Variants in RAB37 observed in about 807,000 individuals in gnomAD.
The protein encoded by RAB37 is RAB37, member RAS oncogene family, also known as ras-related protein Rab-37.
A neutral mutation model predicts 33.1 loss-of-function variants in RAB37; 29 were observed. The ratio of observed to expected loss-of-function variants is 0.88; its 90% confidence interval spans 0.65 to 1.20. RAB37 has a LOEUF of 1.20. Ranked by LOEUF, RAB37 falls within the 50% of genes most tolerant of loss-of-function variation. The pLI is 0.00. For missense variants in RAB37, 299 were observed against 301.1 expected, an observed-to-expected ratio of 0.99 and a Z score of 0.05; for synonymous variants, 128 against 119.5, an observed-to-expected ratio of 1.07 and a Z score of -0.47.
Position 74,742,048 on chromosome 17 carries a change from A to T in RAB37, c.205-206A>T, listed in dbSNP as rs2034631693. Among the ~76,000 whole-genome samples the T allele has an allele frequency of 6.6e-6, 1 of 152,166 alleles. No individual in the cohort carries two copies. Among genetic ancestry groups the T allele is most frequent in the Non-Finnish European group, 1.5e-5 (1 of 68,022 alleles). ...TCTTGCCCTGCTGTTGTGAGAAGGC[A>T]GTTACAGTCCTCAGAAGGGACGACT... On this transcript the variant is annotated intron_variant, in intron 2 of 8. Coordinates refer to ENST00000392613, the MANE Select transcript of RAB37 (RefSeq NM_001006638.3). The surrounding 1 kb of genome is among the most constrained non-coding windows in gnomAD (Gnocchi z 4.0).
chr17:74,731,564 T>G (rs2034384657), intron 2 of RAB37, among the ~76,000 whole-genome samples: 1 of 152,210 alleles, frequency 6.6e-6, no homozygotes, highest in Admixed American at 6.5e-5. Flanking sequence ...GGGGTCGTGC[T>G]GATGGGGTTA....
chr17:74,742,021 C>T lies in RAB37; in HGVS notation c.205-233C>T, dbSNP rs918188812. Reference sequence around the variant, plus strand: ...AGAGAGCCAGGATGTTTCTCAGGCTCCTCTTGCCCTGCTGTTGTGAGAAGG... The same window carrying T: ...AGAGAGCCAGGATGTTTCTCAGGCTTCTCTTGCCCTGCTGTTGTGAGAAGG... On this transcript the variant is annotated intron_variant, in intron 2 of 8. Coordinates refer to ENST00000392613, the MANE Select transcript of RAB37 (RefSeq NM_001006638.3). This position sits in a 1 kb window ranked among gnomAD's most constrained non-coding sequence, Gnocchi z 4.0. 3.9e-5 allele frequency among the ~76,000 whole-genome samples: 6 copies of T among 152,208 alleles called. No homozygotes were observed. Among genetic ancestry groups the T allele is most frequent in the African/African-American group, 1.4e-4 (6 of 41,460 alleles).
At chr17:74,740,941 G>T (rs1598326116) in intron 2 of RAB37, 63 bp downstream of exon 2, 18 of 1,258,854 alleles carry the variant, frequency 1.4e-5, no homozygotes, top group Non-Finnish European at 1.9e-5. Context: ...GGCATGGGGG[G>T]GTTGCCCCCA....
intron 1 of RAB37, chr17:74,695,306 G>A (rs1220552977): frequency 1.9e-6 from 3 of 1,601,802 alleles, no homozygotes; most frequent in Non-Finnish European, 2.6e-6. Flanking sequence ...GACGGTCACG[G>A]GGCAGAGGAG....
In RAB37 at chr17:74,729,997, G is replaced by A. The variant is rs1028920413; in HGVS notation, c.183+631G>A. ...CGGTAAAATGGTAAAAGGGCAGCTC[G>A]GGTTAAGGAAGCCCAGTGCCCTCGG... On this transcript the variant is annotated intron_variant, in intron 2 of 7. Coordinates refer to the RAB37 transcript ENST00000340415. This position sits in a 1 kb window ranked among gnomAD's most constrained non-coding sequence, Gnocchi z 4.2. Among the ~76,000 whole-genome samples, 2 of 152,244 alleles carry A rather than the reference G, an allele frequency of 1.3e-5. No homozygotes were observed. Among genetic ancestry groups the A allele is most frequent in the Admixed American group, 6.5e-5 (1 of 15,294 alleles).
intron 1 of RAB37, among the ~76,000 whole-genome samples, chr17:74,724,061 T>C (rs1202519970): frequency 6.6e-6 from 1 of 152,064 alleles, no homozygotes; most frequent in Non-Finnish European, 1.5e-5. Context: ...AACCAGAAAA[T>C]CTGAGACAAG....
chr17:74,684,146 C>T (rs1273819247), intron 1 of RAB37, among the ~76,000 whole-genome samples: 2 of 152,082 alleles, frequency 1.3e-5, no homozygotes, highest in Non-Finnish European at 2.9e-5. Flanking sequence ...ACTGCAGTGG[C>T]ATGCACTCTG....
Position 74,745,496 on chromosome 17 carries a change from G to A in RAB37, c.*85G>A, listed in dbSNP as rs1395931204. 14 of 1,113,370 alleles carry A rather than the reference G, an allele frequency of 1.3e-5. No homozygotes were observed. The highest frequency in any genetic ancestry group is 1.9e-5 in the Non-Finnish European group (14 of 739,648). 69.0% of individuals were successfully genotyped at this position (1,113,370 alleles called of 1,614,324 possible). A position where few individuals can be genotyped will look rare whatever the true frequency, so the allele number is the denominator to read the frequency against. ...GGCCTGGCTTATTCCAAGAGGCTGA[G>A]CCAATGGGGAGAAAGATGGAGGACT... On this transcript the variant is annotated 3_prime_UTR_variant, in exon 9 of 9. Coordinates refer to ENST00000392613, the MANE Select transcript of RAB37 (RefSeq NM_001006638.3). This position sits in a 1 kb window ranked among gnomAD's most constrained non-coding sequence, Gnocchi z 4.5.
At chr17:74,698,662 G>A (rs1363473431) in intron 1 of RAB37, 2 of 1,422,338 alleles carry the variant, frequency 1.4e-6, no homozygotes, top group East Asian at 2.5e-5. Flanking sequence ...AGTACACATA[G>A]ACACAAAGAA....
intron 2 of RAB37, 96 bp downstream of exon 2, chr17:74,740,974 G>GGT: frequency 2.2e-6 from 2 of 890,648 alleles, no homozygotes; most frequent in Non-Finnish European, 3.7e-6. Flanking sequence ...TGGCTCCCAG[G>GGT]GACTCCCGAG....
intron 1 of RAB37, among the ~76,000 whole-genome samples, chr17:74,682,131 CA>C (rs1348986917): frequency 6.6e-6 from 1 of 152,190 alleles, no homozygotes; most frequent in Non-Finnish European, 1.5e-5. Context: ...GTAAAGAGAA[CA>C]GGCATTATTC....
At chr17:74,684,265 A>ATT (rs201648484) in intron 1 of RAB37, among the ~76,000 whole-genome samples, 1 of 134,260 alleles carries the variant, frequency 7.4e-6, no homozygotes, top group Admixed American at 7.5e-5. Context: ...AGCCCTGTTA[A>ATT]TTTTTTTTTT....
chr17:74,675,118 A>G (rs2031797489), intron 1 of RAB37, among the ~76,000 whole-genome samples: 1 of 152,196 alleles, frequency 6.6e-6, no homozygotes, highest in Admixed American at 6.5e-5. Flanking sequence ...TAACGCGTAT[A>G]TATAAAATCT....
At chr17:74,686,986 G>A (rs2032066422) in intron 1 of RAB37, among the ~76,000 whole-genome samples, 1 of 152,102 alleles carries the variant, frequency 6.6e-6, no homozygotes, top group Admixed American at 6.5e-5. Context: ...ATTGATAGAG[G>A]GCAGCATTCT....
rs1451555570 is a variant in RAB37, at chr17:74,729,221, A to C, written c.73-35A>C. ...CACCTCTGAGGCCAACTCACATCAC[A>C]GGCCCTCAGCTCTCTCTCTATTGTT... is the stretch of plus-strand genomic sequence containing the variant. On this transcript the variant is annotated intron_variant, in intron 1 of 7. Coordinates refer to the RAB37 transcript ENST00000340415. The surrounding 1 kb of genome is among the most constrained non-coding windows in gnomAD (Gnocchi z 4.2). The C allele has an allele frequency of 1.3e-6, 2 of 1,513,196 alleles. No individual in the cohort carries two copies. Among genetic ancestry groups the C allele is most frequent in the Non-Finnish European group, 1.8e-6 (2 of 1,087,912 alleles). The allele number at this position is 1,513,196 out of a possible 1,614,324, so 93.7% of individuals were successfully genotyped here.
chr17:74,698,419 A>G (rs2143624357), intron 1 of RAB37: 1 of 1,613,946 alleles, frequency 6.2e-7, no homozygotes, highest in South Asian at 1.1e-5. Flanking sequence ...GGCGGCCACC[A>G]AAAGCAGCAG....
At chr17:74,703,856 C>T (rs1220019074) in intron 1 of RAB37, among the ~76,000 whole-genome samples, 5 of 152,202 alleles carry the variant, frequency 3.3e-5, no homozygotes, top group African/African-American at 1.2e-4. Context: ...CCTGAGCTAA[C>T]GCTCCCAGGA....
chr17:74,736,840 C>A, upstream of RAB37: 4 of 1,528,916 alleles, frequency 2.6e-6, no homozygotes, highest in Non-Finnish European at 3.5e-6. Context: ...CCCAGGGGTC[C>A]CCAGCTCCCC....
Position 74,742,027 on chromosome 17 carries a change from G to A in RAB37, c.205-227G>A, listed in dbSNP as rs1307663035. ...CCAGGATGTTTCTCAGGCTCCTCTTGCCCTGCTGTTGTGAGAAGGCAGTTA... is the reference window on the plus strand; with the variant it reads ...CCAGGATGTTTCTCAGGCTCCTCTTACCCTGCTGTTGTGAGAAGGCAGTTA... On this transcript the variant is annotated intron_variant, in intron 2 of 8. Transcript: ENST00000392613. The surrounding 1 kb of genome is among the most constrained non-coding windows in gnomAD (Gnocchi z 4.0). Among the ~76,000 whole-genome samples the A allele has an allele frequency of 2.0e-5, 3 of 152,296 alleles. No individual in the cohort carries two copies. Among genetic ancestry groups the A allele is most frequent in the Middle Eastern group, 6.8e-3 (2 of 294 alleles).
Sources: allele counts gnomAD v4.1 joint callset (sites outside exome capture counted in the v4.1 genomes callset), GRCh38; gene constraint gnomAD v4.1.1; non-coding constraint Gnocchi (gnomAD v3.1); transcripts MANE v1.5; gene names NCBI Gene and HGNC (gene_info 2026-07-23, HGNC 2026-07-21).